The following DMXL1 variants were observed in gnomAD, a reference collection of about 807,000 sequenced individuals.
DMXL1 encodes the protein dmX-like protein 1.
DMXL1 carries 99 observed loss-of-function variants against 319.2 expected under a neutral mutation model. That is an observed-to-expected ratio of 0.31 (90% CI 0.26 to 0.37). The LOEUF is 0.37. DMXL1 is among the 10% of genes least tolerant of loss of function. The pLI is 1.00. For synonymous variants in DMXL1, 1,385 were observed against 1,235.2 expected, an observed-to-expected ratio of 1.12 and a Z score of -2.54; for missense variants, 3,745 against 3,595.6, an observed-to-expected ratio of 1.04 and a Z score of -1.06.
Position 119,217,962 on chromosome 5 carries a change from T to C in DMXL1, c.8013+975T>C, listed in dbSNP as rs1056359400. Among the ~76,000 whole-genome samples, 15 of 152,244 alleles carry C rather than the reference T, an allele frequency of 9.9e-5. No individual in the cohort carries two copies. The South Asian group carries it at 1.7e-3, about 17-fold the overall frequency. On this transcript the variant is annotated intron_variant, in intron 35 of 43. Coordinates refer to ENST00000539542, the MANE Select transcript of DMXL1 (RefSeq NM_001290321.3). ...CTGGCTAAAGGGCTGATTCCAGATT[T>C]GCCTGCTTCAGACAGTTCTGTTATC...
chr5:119,105,067 T>C, intron 3 of DMXL1, 113 bp from the exon 4 acceptor site: 1 of 678,338 alleles, frequency 1.5e-6, no homozygotes, highest in Non-Finnish European at 2.6e-6. Context: ...AACATTTTGT[T>C]ATCTTTAAAA....
At chr5:119,152,160 C>T in intron 19 of DMXL1, 124 bp downstream of exon 19, 2 of 619,374 alleles carry the variant, frequency 3.2e-6, no homozygotes, top group Non-Finnish European at 2.7e-6. Context: ...TTTTAAGTTT[C>T]CTTTATTTGT....
intron 1 of DMXL1, among the ~76,000 whole-genome samples, chr5:119,074,201 G>A (rs911624165): frequency 2.6e-5 from 4 of 152,240 alleles, no homozygotes; most frequent in Non-Finnish European, 5.9e-5. Context: ...TTACAGGCGG[G>A]AGCCACTGCA....
chr5:119,099,369 C>G (rs991693353), intron 2 of DMXL1, among the ~76,000 whole-genome samples: 4 of 152,028 alleles, frequency 2.6e-5, no homozygotes, highest in Non-Finnish European at 5.9e-5. Context: ...CGCCATCATA[C>G]CCGGCTAATT....
Position 119,196,464 on chromosome 5 carries a change from A to G in DMXL1, c.7543+8A>G. ...CAGGTCATGATCTTGCAGGTAATAA[A>G]TAGCTCAACATGAGCTAATGGTGCC... On this transcript the variant is annotated splice_region_variant and intron_variant, in intron 31 of 43. Transcript: ENST00000539542. 1 of 1,594,090 alleles carries G rather than the reference A, an allele frequency of 6.3e-7. No individual in the cohort carries two copies.
intron 1 of DMXL1, among the ~76,000 whole-genome samples, chr5:119,095,795 A>G (rs1438511588): frequency 1.3e-5 from 2 of 152,230 alleles, no homozygotes; most frequent in African/African-American, 4.8e-5. Context: ...AAGCCTTATG[A>G]TCCCATCATG....
intron 1 of DMXL1, among the ~76,000 whole-genome samples, chr5:119,090,390 T>C (rs1754492168): frequency 6.6e-6 from 1 of 152,024 alleles, no homozygotes; most frequent in East Asian, 1.9e-4. Flanking sequence ...TGGATATTTA[T>C]GTCTTTTCTG....
chr5:119,150,646 G>C (rs1223831448), intron 18 of DMXL1, among the ~76,000 whole-genome samples: 1 of 151,724 alleles, frequency 6.6e-6, no homozygotes, highest in Non-Finnish European at 1.5e-5. Flanking sequence ...AAAAAAATTA[G>C]CCAGATATGG....
intron 26 of DMXL1, among the ~76,000 whole-genome samples, chr5:119,176,461 A>G (rs996402307): frequency 6.6e-6 from 1 of 151,982 alleles, no homozygotes; most frequent in East Asian, 1.9e-4. Context: ...TCACTTTCTT[A>G]TTATTTAGGC....
At chr5:119,095,444 A>C (rs1755718163) in intron 1 of DMXL1, among the ~76,000 whole-genome samples, 1 of 152,340 alleles carries the variant, frequency 6.6e-6, no homozygotes, top group African/African-American at 2.4e-5. Flanking sequence ...GTGGGCTTCA[A>C]AATTAGTATA....
intron 21 of DMXL1, among the ~76,000 whole-genome samples, chr5:119,166,112 A>G (rs1037073506): frequency 6.6e-6 from 1 of 152,354 alleles, no homozygotes; most frequent in Admixed American, 6.5e-5. Context: ...CATGATTATC[A>G]TAAATAGTTC....
chr5:119,072,983 TATAGGATA>T (rs1283342105), intron 1 of DMXL1, among the ~76,000 whole-genome samples: 4 of 152,156 alleles, frequency 2.6e-5, no homozygotes, highest in African/African-American at 9.7e-5. Context: ...AGTGGGAAAT[TATAGGATA>T]ATATTGTTGC....
intron 9 of DMXL1, among the ~76,000 whole-genome samples, chr5:119,122,998 C>A (rs988352822): frequency 6.6e-6 from 1 of 152,158 alleles, no homozygotes. Context: ...CGCCACTGCA[C>A]TCCAGCCTGG....
At chr5:119,226,795 T>C (rs1785657659) in intron 38 of DMXL1, among the ~76,000 whole-genome samples, 1 of 152,188 alleles carries the variant, frequency 6.6e-6, no homozygotes, top group Admixed American at 6.6e-5. Context: ...TTTGTTACAC[T>C]GATTCACAGA....
chr5:119,170,401 C>T lies in DMXL1; in HGVS notation c.5610C>T (p.Cys1870=), dbSNP rs1774313358. Reference sequence around the variant, plus strand: ...CCAGTGCTCATTTAAAAGCTGGCTGCCCAATGTTGGCTTTGGAAGTATTAT... The same window carrying T: ...CCAGTGCTCATTTAAAAGCTGGCTGTCCAATGTTGGCTTTGGAAGTATTAT... ...TTASAHLKAG[C]PMLALEVLSK... The change falls in exon 24 of 44, where the codon TGC becomes TGT. Residue 1870 remains cysteine (C), a synonymous_variant. Coordinates refer to ENST00000539542, the MANE Select transcript of DMXL1 (RefSeq NM_001290321.3). The T allele has an allele frequency of 1.2e-6, 2 of 1,613,812 alleles. No homozygotes were observed. The highest frequency in any genetic ancestry group is 2.2e-5 in the East Asian group (1 of 44,872).
intron 9 of DMXL1, among the ~76,000 whole-genome samples, chr5:119,124,184 A>G (rs1303924469): frequency 6.6e-6 from 1 of 151,748 alleles, no homozygotes; most frequent in Non-Finnish European, 1.5e-5. Context: ...GTGTGGTGGC[A>G]GGCACCTGTA....
chr5:119,197,804 A>G lies in DMXL1; in HGVS notation c.7593A>G (p.Gln2531=), dbSNP rs17144974. ...GTCATGCGGTTCTAAAAACTCTTCA[A>G]TGTTGGGAACAAGTTCTTCTCCGAC... ...PLCHAVLKTL[Q]CWEQVLLRRL... is the part of the protein sequence containing the mutation. The change falls in exon 32 of 44, where the codon CAA becomes CAG. Residue 2531 remains glutamine, a synonymous_variant. Transcript: ENST00000539542. The G allele has an allele frequency of 7.2e-3, 11,639 of 1,614,118 alleles. 396 individuals are homozygous for G. The East Asian group carries it at 0.11, about 15-fold the overall frequency.
Position 119,166,732 on chromosome 5 carries a change from A to G in DMXL1, c.5087A>G (p.His1696Arg). 2 of 1,612,608 alleles carry G rather than the reference A, an allele frequency of 1.2e-6. No individual in the cohort carries two copies. The highest frequency in any genetic ancestry group is 1.7e-6 in the Non-Finnish European group (2 of 1,179,472). ...FSLLGKQRFE[H>R]SAAFFLLAGC... is the part of the protein sequence containing the mutation. ...TTGCTAGGCAAACAAAGATTTGAAC[A>G]TTCTGCAGCATTTTTTCTTTTAGCT... The change falls in exon 22 of 44, where the codon CAT becomes CGT. Residue 1696 changes from histidine (H) to arginine (R), a missense_variant. Coordinates refer to ENST00000539542, the MANE Select transcript of DMXL1 (RefSeq NM_001290321.3).
At position 119,129,169 on chromosome 5, in the gene DMXL1, A is replaced by G. The variant is rs1431911426; in HGVS notation, c.1103-42A>G. ...ATGAAACATGGATGTTTCATATGCT[A>G]GAAGGTAAAAATTTTAATTTTATCT... is the stretch of plus-strand genomic sequence containing the variant. On this transcript the variant is annotated intron_variant, in intron 9 of 43. Coordinates refer to ENST00000539542, the MANE Select transcript of DMXL1 (RefSeq NM_001290321.3). 4 of 1,279,556 alleles carry G rather than the reference A, an allele frequency of 3.1e-6. No individual in the cohort carries two copies. In the African/African-American group the frequency reaches 4.6e-5, roughly 15 times the overall value. 79.3% of individuals were successfully genotyped at this position (1,279,556 alleles called of 1,614,324 possible). A position where few individuals can be genotyped will look rare whatever the true frequency, so the allele number is the denominator to read the frequency against.
Sources: allele counts gnomAD v4.1 joint callset (sites outside exome capture counted in the v4.1 genomes callset), GRCh38; gene constraint gnomAD v4.1.1; transcripts MANE v1.5; gene names NCBI Gene and HGNC (gene_info 2026-07-23, HGNC 2026-07-21).